TBC1D5: variants seen among roughly 807,000 people sequenced by gnomAD.
TBC1D5 encodes TBC1 domain family, member 5.
In TBC1D5, 75 loss-of-function variants were observed where a neutral mutation model predicts 100.3. The ratio of observed to expected loss-of-function variants is 0.75; its 90% CI spans 0.62 to 0.91. The LOEUF (loss-of-function observed/expected upper bound fraction) is 0.91, where lower values mean the gene tolerates loss of function less well. TBC1D5 is among the 40% of genes least tolerant of loss of function. The pLI is 0.00. For missense variants in TBC1D5, 910 were observed against 942.4 expected, an observed-to-expected ratio of 0.97 and a Z score of 0.45; for synonymous variants, 323 against 325.6, an observed-to-expected ratio of 0.99 and a Z score of 0.09.
intron 2 of TBC1D5, among the ~76,000 whole-genome samples, chr3:17,616,459 C>T (rs184486510): frequency 2.2e-4 from 33 of 152,006 alleles, no homozygotes; most frequent in East Asian, 1.2e-3. Context: ...CCTTCTGTCT[C>T]GGTGATCTGT....
chr3:17,373,368 A>C (rs1269513715), intron 12 of TBC1D5, among the ~76,000 whole-genome samples: 1 of 152,172 alleles, frequency 6.6e-6, no homozygotes, highest in Non-Finnish European at 1.5e-5. Flanking sequence ...TACTGGAAAC[A>C]ATATACCAAA....
intron 2 of TBC1D5, among the ~76,000 whole-genome samples, chr3:17,606,008 A>T (rs1169373526): frequency 1.3e-5 from 2 of 152,202 alleles, no homozygotes; most frequent in Non-Finnish European, 2.9e-5. Context: ...GCCTGTCTAA[A>T]TTGTGATAGA....
At chr3:17,381,326 T>TA (rs1306852196) in intron 9 of TBC1D5, among the ~76,000 whole-genome samples, 1 of 151,808 alleles carries the variant, frequency 6.6e-6, no homozygotes, top group Non-Finnish European at 1.5e-5. Flanking sequence ...TTTCTTTCTC[T>TA]AAAAAAAATT....
intron 1 of TBC1D5, among the ~76,000 whole-genome samples, chr3:17,712,800 C>G (rs2153939759): frequency 6.6e-6 from 1 of 152,290 alleles, no homozygotes; most frequent in South Asian, 2.1e-4. Context: ...AACTGTAATT[C>G]CACACAACTC....
chr3:17,672,833 T>G (rs1254094198), intron 1 of TBC1D5, among the ~76,000 whole-genome samples: 1 of 152,232 alleles, frequency 6.6e-6, no homozygotes, highest in Non-Finnish European at 1.5e-5. Context: ...TGGCAGCTTG[T>G]CCGTGTGCTG....
At chr3:17,171,595 C>T (rs998936921) in intron 19 of TBC1D5, among the ~76,000 whole-genome samples, 6 of 152,128 alleles carry the variant, frequency 3.9e-5, no homozygotes, top group South Asian at 2.1e-4. Context: ...CATTATCACA[C>T]GGCATTCTCC....
intron 1 of TBC1D5, among the ~76,000 whole-genome samples, chr3:17,624,268 AT>A (rs979838058): frequency 6.6e-6 from 1 of 152,176 alleles, no homozygotes; most frequent in African/African-American, 2.4e-5. Context: ...CTGAGATTTT[AT>A]TTCACTAAAA....
At chr3:17,307,753 G>T (rs1434726266) in intron 14 of TBC1D5, among the ~76,000 whole-genome samples, 1 of 152,124 alleles carries the variant, frequency 6.6e-6, no homozygotes, top group Non-Finnish European at 1.5e-5. Context: ...TAGAAAAATG[G>T]TTCTGAAGAA....
At chr3:17,573,962 C>G (rs766471227) in intron 2 of TBC1D5, among the ~76,000 whole-genome samples, 1 of 151,574 alleles carries the variant, frequency 6.6e-6, no homozygotes, top group Admixed American at 6.6e-5. Flanking sequence ...TGCCACAGTA[C>G]GTAAAAAGTA....
At chr3:17,171,672 C>T (rs2067183424) in intron 19 of TBC1D5, among the ~76,000 whole-genome samples, 2 of 152,106 alleles carry the variant, frequency 1.3e-5, no homozygotes, top group South Asian at 4.2e-4. Context: ...AGGGTAAGCC[C>T]TAATCTAGTA....
chr3:17,194,477 A>G (rs2070381943), intron 18 of TBC1D5, among the ~76,000 whole-genome samples: 1 of 152,228 alleles, frequency 6.6e-6, no homozygotes, highest in Admixed American at 6.5e-5. Flanking sequence ...ATTCTATTGT[A>G]AACACAAACA....
At chr3:17,366,820 A>G (rs1164674869) in intron 13 of TBC1D5, among the ~76,000 whole-genome samples, 1 of 152,204 alleles carries the variant, frequency 6.6e-6, no homozygotes, top group Non-Finnish European at 1.5e-5. Context: ...ATACTATGAC[A>G]TATTTTAAAA....
At position 17,715,247 on chromosome 3, in the gene TBC1D5, T is replaced by G. The variant is rs528291984; in HGVS notation, c.-101+24096A>C. Among the ~76,000 whole-genome samples, 210 of 152,310 alleles carry G rather than the reference T, an allele frequency of 1.4e-3. 1 individual carries two copies. Among genetic ancestry groups the G allele is most frequent in the African/African-American group, 4.7e-3 (195 of 41,558 alleles). ...GAAATTACTTCCATAACACAGAACTTACCTGGGTCCAAGAGAGCAAAGCAC... is the reference window on the plus strand; with the variant it reads ...GAAATTACTTCCATAACACAGAACTGACCTGGGTCCAAGAGAGCAAAGCAC... On this transcript the variant is annotated intron_variant, in intron 1 of 21. Transcript: ENST00000253692.
At chr3:17,289,654 T>C (rs2081524982) in intron 15 of TBC1D5, among the ~76,000 whole-genome samples, 1 of 150,104 alleles carries the variant, frequency 6.7e-6, no homozygotes, top group Non-Finnish European at 1.5e-5. Flanking sequence ...AAAAGTCAGT[T>C]CTTCAAAGAC....
At chr3:17,240,330 T>A (rs1353599592) in intron 16 of TBC1D5, among the ~76,000 whole-genome samples, 1 of 152,066 alleles carries the variant, frequency 6.6e-6, no homozygotes, top group East Asian at 1.9e-4. Context: ...GTGAAAAAAA[T>A]TTCAAATGGT....
intron 3 of TBC1D5, among the ~76,000 whole-genome samples, chr3:17,471,121 T>G (rs771503337): frequency 1.3e-5 from 2 of 152,188 alleles, no homozygotes; most frequent in Non-Finnish European, 2.9e-5. Context: ...ACCACTTTTC[T>G]GCTAGGTGAT....
chr3:17,379,664 T>C (rs1309543640), intron 9 of TBC1D5, among the ~76,000 whole-genome samples: 2 of 152,006 alleles, frequency 1.3e-5, no homozygotes, highest in Non-Finnish European at 2.9e-5. Flanking sequence ...AGGAGATATA[T>C]TCTAAGACCT....
intron 1 of TBC1D5, among the ~76,000 whole-genome samples, chr3:17,628,764 G>C (rs2153666905): frequency 6.6e-6 from 1 of 152,286 alleles, no homozygotes; most frequent in South Asian, 2.1e-4. Flanking sequence ...CTGTACGTGG[G>C]TGTCTAACTC....
At chr3:17,420,217 A>T (rs1466465586) in intron 4 of TBC1D5, among the ~76,000 whole-genome samples, 1 of 152,196 alleles carries the variant, frequency 6.6e-6, no homozygotes. Flanking sequence ...CAAAAAAAAA[A>T]AATAAAGATA....
Sources: allele counts gnomAD v4.1 joint callset (sites outside exome capture counted in the v4.1 genomes callset), GRCh38; gene constraint gnomAD v4.1.1; transcripts MANE v1.5; gene names NCBI Gene and HGNC (gene_info 2026-07-23, HGNC 2026-07-21).